The following AGBL1 variants were observed in gnomAD, a reference collection of about 807,000 sequenced individuals.
AGBL1 encodes the protein cytosolic carboxypeptidase 4.
AGBL1 carries 130 observed loss-of-function variants against 118.9 expected under a neutral mutation model. The observed-to-expected ratio is 1.09, with a 90% CI of 0.95 to 1.26. The LOEUF (loss-of-function observed/expected upper bound fraction) is 1.26. Ranked by LOEUF, AGBL1 falls within the 50% of genes most tolerant of loss-of-function variation. The pLI is 0.00. For synonymous variants in AGBL1, 555 were observed against 478.9 expected, an observed-to-expected ratio of 1.16 and a Z score of -2.08; for missense variants, 1,584 against 1,298.1, an observed-to-expected ratio of 1.22 and a Z score of -3.38.
At chr15:86,108,301 T>C (rs915365243) in intron 1 of AGBL1, among the ~76,000 whole-genome samples, 8 of 152,230 alleles carry the variant, frequency 5.3e-5, no homozygotes, top group African/African-American at 1.9e-4. Flanking sequence ...AAAGGTGAGA[T>C]GATTTTGAGT....
intron 18 of AGBL1, among the ~76,000 whole-genome samples, chr15:86,422,601 C>T (rs185085181): frequency 1.2e-3 from 185 of 151,936 alleles, no homozygotes; most frequent in African/African-American, 3.0e-3. Context: ...TAGAGCAGAA[C>T]GGAAGGAGAT....
chr15:86,177,515 A>G (rs528931690), intron 5 of AGBL1, among the ~76,000 whole-genome samples: 1 of 152,210 alleles, frequency 6.6e-6, no homozygotes, highest in Non-Finnish European at 1.5e-5. Flanking sequence ...ACTGCAATGG[A>G]ATTTTTACAA....
At chr15:86,953,616 C>T (rs2080901642) in intron 23 of AGBL1, among the ~76,000 whole-genome samples, 1 of 152,044 alleles carries the variant, frequency 6.6e-6, no homozygotes, top group South Asian at 2.1e-4. Flanking sequence ...TTCTCAAACT[C>T]CTGAGCTCAA....
chr15:87,022,994 A>G (rs567224367), intron 24 of AGBL1, among the ~76,000 whole-genome samples: 17 of 152,186 alleles, frequency 1.1e-4, no homozygotes, highest in African/African-American at 4.1e-4. Context: ...CCTGGAAACA[A>G]CATCAAAACA....
chr15:86,608,087 T>C (rs1467663776), intron 21 of AGBL1, among the ~76,000 whole-genome samples: 1 of 152,186 alleles, frequency 6.6e-6, no homozygotes, highest in Non-Finnish European at 1.5e-5. Context: ...AACAGTGACA[T>C]CATTTGTTTT....
At chr15:86,976,728 A>ATT (rs372958085) in intron 23 of AGBL1, among the ~76,000 whole-genome samples, 6,023 of 151,632 alleles carry the variant, frequency 0.04, 150 homozygotes, top group Middle Eastern at 0.068. Flanking sequence ...AAATTTGTAG[A>ATT]TTTTTTTTTA....
chr15:86,354,253 T>A (rs2080677924), intron 17 of AGBL1, among the ~76,000 whole-genome samples: 1 of 152,230 alleles, frequency 6.6e-6, no homozygotes, highest in Non-Finnish European at 1.5e-5. Flanking sequence ...CAGAAATTCA[T>A]TTGATTATTA....
chr15:86,945,236 C>G (rs1200928581), intron 23 of AGBL1, among the ~76,000 whole-genome samples: 1 of 116,818 alleles, frequency 8.6e-6, no homozygotes, highest in Admixed American at 9.3e-5. Flanking sequence ...AGAGCAAGAC[C>G]CCATCACTAA....
intron 1 of AGBL1, among the ~76,000 whole-genome samples, 194 bp from the exon 2 acceptor site, chr15:86,141,810 G>C (rs950513225): frequency 1.3e-5 from 2 of 152,180 alleles, no homozygotes; most frequent in Admixed American, 1.3e-4. Flanking sequence ...GCAAAGATGA[G>C]TTCTGAAGAC....
chr15:86,847,086 A>G (rs1281277072), intron 22 of AGBL1, among the ~76,000 whole-genome samples: 1 of 152,096 alleles, frequency 6.6e-6, no homozygotes, highest in Non-Finnish European at 1.5e-5. Context: ...TTTAGTTATT[A>G]TGTTCTTCCA....
At chr15:86,487,002 A>G (rs2082720992) in intron 18 of AGBL1, among the ~76,000 whole-genome samples, 1 of 151,946 alleles carries the variant, frequency 6.6e-6, no homozygotes. Context: ...TTCAGCCCAT[A>G]GGTGTCCAAC....
At chr15:86,440,488 A>AATAATAATG (rs1417287908) in intron 18 of AGBL1, among the ~76,000 whole-genome samples, 12 of 149,524 alleles carry the variant, frequency 8.0e-5, no homozygotes, top group African/African-American at 2.9e-4. Context: ...GATGGAGAAT[A>AATAATAATG]ATAATAATAA....
At chr15:86,135,594 T>C (rs1202883049) in intron 1 of AGBL1, among the ~76,000 whole-genome samples, 1 of 152,188 alleles carries the variant, frequency 6.6e-6, no homozygotes, top group Non-Finnish European at 1.5e-5. Flanking sequence ...TCAGTCTGAA[T>C]CCCACTTCAT....
Position 86,817,202 on chromosome 15 carries a change from G to A in AGBL1, c.3159-89885G>A, listed in dbSNP as rs146926670. ...AGCTACTCAGGAGGCTGAGGCAGCAGAATTGCTTGATCTCAGAAGGCGGAG... is the reference window on the plus strand; with the variant it reads ...AGCTACTCAGGAGGCTGAGGCAGCAAAATTGCTTGATCTCAGAAGGCGGAG... On this transcript the variant is annotated intron_variant, in intron 22 of 22. Coordinates refer to ENST00000614907, the MANE Select transcript of AGBL1 (RefSeq NM_001386094.1). 1.2e-4 allele frequency among the ~76,000 whole-genome samples: 18 copies of A among 149,844 alleles called. No individual in the cohort carries two copies. In the East Asian group the frequency reaches 3.7e-3, roughly 31 times the overall value.
intron 18 of AGBL1, among the ~76,000 whole-genome samples, chr15:86,456,231 A>T (rs2142077499): frequency 6.6e-6 from 1 of 152,336 alleles, no homozygotes; most frequent in South Asian, 2.1e-4. Flanking sequence ...TTGCATTAAT[A>T]AGTCACATCA....
chr15:86,298,479 A>G lies in AGBL1; in HGVS notation c.2374+3071A>G, dbSNP rs181209721. Among the ~76,000 whole-genome samples the G allele has an allele frequency of 1.2e-4, 18 of 151,648 alleles. No homozygotes were observed. The East Asian group carries it at 3.5e-3, about 29-fold the overall frequency. ...AAACACTGCCTACCCTTCAAAGTGC[A>G]AATAACCATGCCTGTAAATCAGAAA... On this transcript the variant is annotated intron_variant, in intron 17 of 22. Coordinates refer to ENST00000614907, the MANE Select transcript of AGBL1 (RefSeq NM_001386094.1).
chr15:86,404,472 T>C (rs2081495177), intron 18 of AGBL1, among the ~76,000 whole-genome samples: 1 of 152,214 alleles, frequency 6.6e-6, no homozygotes, highest in African/African-American at 2.4e-5. Flanking sequence ...CCAGGCCTTT[T>C]CCTTCCCATT....
chr15:86,359,083 A>G (rs1216970730), intron 17 of AGBL1, among the ~76,000 whole-genome samples: 5 of 151,940 alleles, frequency 3.3e-5, no homozygotes, highest in Admixed American at 6.6e-5. Context: ...AGTCATATCC[A>G]AAAGTCATCA....
chr15:86,518,576 T>G (rs1769916453), intron 18 of AGBL1, among the ~76,000 whole-genome samples: 5 of 152,114 alleles, frequency 3.3e-5, no homozygotes. Flanking sequence ...GAAAAAGATA[T>G]GCCCCACAAA....
Sources: allele counts gnomAD v4.1 joint callset (sites outside exome capture counted in the v4.1 genomes callset), GRCh38; gene constraint gnomAD v4.1.1; transcripts MANE v1.5; gene names NCBI Gene and HGNC (gene_info 2026-07-23, HGNC 2026-07-21).